The following SLC25A51 variants were observed in gnomAD, a reference collection of about 807,000 sequenced individuals.
SLC25A51 encodes solute carrier family 25 member 51, also known as mitochondrial nicotinamide adenine dinucleotide transporter SLC25A51.
Under a neutral mutation model 19.1 loss-of-function variants are expected in SLC25A51, and 11 were observed. That is an observed-to-expected ratio of 0.58 (90% confidence interval 0.36 to 0.96). SLC25A51 has a LOEUF of 0.96. Among genes scored for constraint, SLC25A51 ranks in the 40% least tolerant of loss-of-function variants. The pLI is 0.01. For missense variants in SLC25A51, 201 were observed against 365.4 expected (o/e 0.55, Z 3.67); for synonymous variants, 105 against 133.6 (o/e 0.79, Z 1.47).
downstream of SLC25A51, chr9:37,885,784 G>A: frequency 6.9e-6 from 11 of 1,592,402 alleles, no homozygotes; most frequent in Non-Finnish European, 9.5e-6. Flanking sequence ...TTCATGTTTA[G>A]TAAAGTGGCC....
intron 2 of SLC25A51, among the ~76,000 whole-genome samples, chr9:37,890,163 T>C (rs897472226): frequency 3.3e-5 from 5 of 152,074 alleles, no homozygotes; most frequent in African/African-American, 9.7e-5. Flanking sequence ...GGCAGGAGGA[T>C]TGCTTGAATC....
Position 37,888,563 on chromosome 9 carries a change from C to A in SLC25A51, c.-13G>T. On this transcript the variant is annotated 5_prime_UTR_variant, in exon 3 of 3. Transcript: ENST00000242275. ...CTGAATCCATCATGCTGCTTAAGAT[C>A]TTTCTTTTTCATGAAGGACTTTTTT... The A allele has an allele frequency of 6.4e-7, 1 of 1,570,464 alleles. No individual in the cohort carries two copies. The highest frequency in any genetic ancestry group is 8.6e-7 in the Non-Finnish European group (1 of 1,163,594).
Position 37,887,683 on chromosome 9 carries a change from A to T in SLC25A51, c.868T>A (p.Tyr290Asn). 6.2e-7 allele frequency: 1 copy of T among 1,611,974 alleles called. No individual in the cohort carries two copies. Residue 290 changes from tyrosine (Y) to asparagine (N), a missense_variant, in exon 3 of 3, where the codon TAT becomes AAT. Transcript: ENST00000242275. ...LISWGIINAT[Y>N]EFLLKVI ...CATATAACCTTTAACAAGAACTCAT[A>T]AGTTGCATTGATTATGCCCCAAGAG...
downstream of SLC25A51, chr9:37,879,032 G>A: frequency 3.3e-6 from 1 of 301,014 alleles, no homozygotes; most frequent in Non-Finnish European, 6.7e-6. Context: ...AGTCAGTGCA[G>A]TGTTATAGTA....
chr9:37,894,313 TC>T (rs763050976), intron 2 of SLC25A51, among the ~76,000 whole-genome samples: 1 of 151,538 alleles, frequency 6.6e-6, no homozygotes, highest in Non-Finnish European at 1.5e-5. Flanking sequence ...CTGCCCCCAC[TC>T]ACCTTTTTTT....
At chr9:37,890,472 G>A (rs1037849489) in intron 2 of SLC25A51, among the ~76,000 whole-genome samples, 2 of 152,172 alleles carry the variant, frequency 1.3e-5, no homozygotes, top group Non-Finnish European at 2.9e-5. Flanking sequence ...GGAAGACCAA[G>A]GTGGGAGGAT....
chr9:37,880,731 A>T (rs928410668), exon 4 of SLC25A51: 1 of 152,248 alleles, frequency 6.6e-6, no homozygotes, highest in South Asian at 2.1e-4. Flanking sequence ...GCCTGGTCAC[A>T]AGAGCGAAAC....
rs188766998 is a variant in SLC25A51, at chr9:37,879,482, A to G, written n.1789T>C. The G allele has an allele frequency of 2.1e-3, 348 of 165,348 alleles. 2 individuals carry two copies. The highest frequency in any genetic ancestry group is 7.5e-3 in the African/African-American group (313 of 41,876). The allele number at this position is 165,348 out of a possible 1,614,324, so 10.2% of individuals were successfully genotyped here. On this transcript the variant is annotated non_coding_transcript_exon_variant, in exon 4 of 4. Coordinates refer to the SLC25A51 transcript ENST00000496760. ...TGGATTTTTTGGAAGAAAGGTGACA[A>G]GAAAATCAGAGAAAACATCATTGCA...
At chr9:37,879,509 T>A (rs1386423174) in exon 4 of SLC25A51, 1 of 158,330 alleles carries the variant, frequency 6.3e-6, no homozygotes, top group Non-Finnish European at 1.4e-5. Context: ...ATCATTGCAT[T>A]TTTAGGGGGA....
intron 2 of SLC25A51, among the ~76,000 whole-genome samples, chr9:37,896,051 T>G (rs1831707511): frequency 6.6e-6 from 1 of 152,110 alleles, no homozygotes; most frequent in Admixed American, 6.5e-5. Flanking sequence ...TGGCCTCAAG[T>G]GACCTGCCTG....
intron 1 of SLC25A51, among the ~76,000 whole-genome samples, chr9:37,902,877 A>G (rs528349402): frequency 1.3e-5 from 2 of 152,360 alleles, no homozygotes; most frequent in African/African-American, 2.4e-5. Flanking sequence ...GGTCTCTGCA[A>G]AAACTGGGGA....
downstream of SLC25A51, among the ~76,000 whole-genome samples, chr9:37,884,058 G>C (rs755854214): frequency 2.6e-5 from 4 of 152,162 alleles, no homozygotes; most frequent in Non-Finnish European, 4.4e-5. Context: ...TGGTCAGTAT[G>C]TATAAATATT....
chr9:37,891,665 G>C (rs1013033761), intron 2 of SLC25A51, among the ~76,000 whole-genome samples: 2 of 151,982 alleles, frequency 1.3e-5, no homozygotes, highest in East Asian at 1.9e-4. Context: ...CAGCATGCTC[G>C]TTAAGAGTCA....
At chr9:37,892,370 G>A (rs1422468637) in intron 2 of SLC25A51, among the ~76,000 whole-genome samples, 2 of 152,230 alleles carry the variant, frequency 1.3e-5, no homozygotes, top group Non-Finnish European at 2.9e-5. Flanking sequence ...AGGCACAGGT[G>A]TTGGGCTAAA....
intron 2 of SLC25A51, among the ~76,000 whole-genome samples, chr9:37,892,125 A>C (rs531498342): frequency 6.6e-6 from 1 of 152,346 alleles, no homozygotes; most frequent in African/African-American, 2.4e-5. Flanking sequence ...TAAATAGCAT[A>C]CGTATGTCAG....
intron 2 of SLC25A51, among the ~76,000 whole-genome samples, chr9:37,895,215 T>C (rs1831691175): frequency 6.6e-6 from 1 of 152,194 alleles, no homozygotes; most frequent in African/African-American, 2.4e-5. Context: ...AACTTTTTTT[T>C]TTTTGAGACA....
intron 2 of SLC25A51, among the ~76,000 whole-genome samples, chr9:37,882,523 T>TG (rs2118291342): frequency 6.6e-6 from 1 of 152,370 alleles, no homozygotes; most frequent in African/African-American, 2.4e-5. Flanking sequence ...ACAATATAGC[T>TG]GGTGATTACA....
chr9:37,888,878 C>T (rs1009987330), intron 2 of SLC25A51, among the ~76,000 whole-genome samples: 2 of 152,200 alleles, frequency 1.3e-5, no homozygotes, highest in Non-Finnish European at 2.9e-5. Flanking sequence ...AAACAGGAAA[C>T]TCCATCTTAA....
At chr9:37,896,931 T>G (rs1051510017) in intron 2 of SLC25A51, among the ~76,000 whole-genome samples, 2 of 152,170 alleles carry the variant, frequency 1.3e-5, no homozygotes, top group South Asian at 2.1e-4. Context: ...GCAAATTAAT[T>G]AGACTATAGG....
Sources: allele counts gnomAD v4.1 joint callset (sites outside exome capture counted in the v4.1 genomes callset), GRCh38; gene constraint gnomAD v4.1.1; transcripts MANE v1.5; gene names NCBI Gene and HGNC (gene_info 2026-07-23, HGNC 2026-07-21).